The following ACSL4 variants were observed in gnomAD, a reference collection of about 807,000 sequenced individuals.
The protein encoded by ACSL4 is long-chain-fatty-acid--CoA ligase 4.
Under a neutral mutation model 49.1 loss-of-function variants are expected in ACSL4, and 9 were observed. That is an observed-to-expected ratio of 0.18 (90% confidence interval 0.11 to 0.32). The LOEUF (loss-of-function observed/expected upper bound fraction) is 0.32. Among genes scored for constraint, ACSL4 ranks in the 10% least tolerant of loss-of-function variants. The pLI is 1.00. For missense variants in ACSL4, 333 were observed against 493.7 expected (o/e 0.67, Z 3.08); for synonymous variants, 191 against 170.3 (o/e 1.12, Z -0.95).
intron 9 of ACSL4, among the ~76,000 whole-genome samples, chrX:109,673,291 T>C (rs1460868682): frequency 9.0e-6 from 1 of 111,707 alleles, no homozygotes; most frequent in African/African-American, 3.3e-5. Context: ...AGTTCAAACT[T>C]TGATTCCATC....
chrX:109,653,303 A>T (rs2061354120), intron 15 of ACSL4, among the ~76,000 whole-genome samples: 1 of 111,830 alleles, frequency 8.9e-6, no homozygotes, highest in Non-Finnish European at 1.9e-5. Context: ...GTCAGGGAAC[A>T]ACAGGTGCTG....
At chrX:109,720,364 T>C (rs1176942579) in intron 1 of ACSL4, among the ~76,000 whole-genome samples, 1 of 110,715 alleles carries the variant, frequency 9.0e-6, no homozygotes, top group African/African-American at 3.3e-5. Context: ...TTTAAATACT[T>C]AATCTCTTGA....
intron 1 of ACSL4, among the ~76,000 whole-genome samples, chrX:109,700,901 G>A (rs1333898403): frequency 9.2e-6 from 1 of 108,986 alleles, no homozygotes; most frequent in East Asian, 2.9e-4. Flanking sequence ...AAATTAGCCA[G>A]GTGTGGTGGC....
At chrX:109,679,992 A>G (rs934948000) in intron 6 of ACSL4, among the ~76,000 whole-genome samples, 1 of 112,099 alleles carries the variant, frequency 8.9e-6, no homozygotes. Context: ...GTTCCAGACT[A>G]TCTTTACAAG....
At chrX:109,712,575 G>A (rs1179787055) in intron 1 of ACSL4, among the ~76,000 whole-genome samples, 1 of 112,333 alleles carries the variant, frequency 8.9e-6, no homozygotes, top group Admixed American at 9.5e-5. Context: ...TATGGCTAGT[G>A]TCCCTGAATA....
intron 2 of ACSL4, among the ~76,000 whole-genome samples, chrX:109,687,631 T>C (rs1175369657): frequency 9.0e-6 from 1 of 111,491 alleles, no homozygotes; most frequent in Admixed American, 9.5e-5. Flanking sequence ...ACGTAGATGA[T>C]GGGTTGATGG....
At chrX:109,707,155 A>G (rs1230878485) in intron 1 of ACSL4, among the ~76,000 whole-genome samples, 2 of 112,084 alleles carry the variant, frequency 1.8e-5, no homozygotes, top group African/African-American at 6.5e-5. Context: ...CGTTTAGACA[A>G]TTCTCAAAGT....
chrX:109,728,814 T>G, intron 1 of ACSL4, among the ~76,000 whole-genome samples: 2 of 112,093 alleles, frequency 1.8e-5, no homozygotes, highest in Middle Eastern at 9.2e-3. Flanking sequence ...TCATCCAAAT[T>G]AAAGCCTTTT....
chrX:109,672,835 G>T (rs1291137723), intron 9 of ACSL4, among the ~76,000 whole-genome samples: 1 of 110,454 alleles, frequency 9.1e-6, no homozygotes, highest in Non-Finnish European at 1.9e-5. Context: ...CAACCAACGG[G>T]AAGGAGACTA....
At chrX:109,728,736 AC>A (rs1037974435) in intron 1 of ACSL4, among the ~76,000 whole-genome samples, 3 of 112,516 alleles carry the variant, frequency 2.7e-5, no homozygotes, top group Non-Finnish European at 5.6e-5. Flanking sequence ...AAATTAAATA[AC>A]AAAAGTTTGT....
chrX:109,661,757 AATT>A (rs745950054), intron 13 of ACSL4, 112 bp from the exon 14 acceptor site: 33 of 554,162 alleles, frequency 6.0e-5, no homozygotes, highest in Non-Finnish European at 9.2e-5. Flanking sequence ...CTTCTTCTAA[AATT>A]ATTATTAGGT....
chrX:109,648,987 C>A lies in ACSL4; in HGVS notation c.1856-4801G>T, dbSNP rs763644915. On this transcript the variant is annotated intron_variant, in intron 15 of 15. Transcript: ENST00000672401. ...TTACAAGGGATGTGAAGGACCTCTT[C>A]AAGGAGAACTACAAACCAGTGCTCA... Among the ~76,000 whole-genome samples, 389 of 102,536 alleles carry A rather than the reference C, an allele frequency of 3.8e-3. 2 individuals are homozygous for A. The highest frequency in any genetic ancestry group is 5.7e-3 in the Non-Finnish European group (287 of 50,389). 89.0% of individuals were successfully genotyped at this position (102,536 alleles called of 115,157 possible).
intron 8 of ACSL4, 70 bp from the exon 9 acceptor site, chrX:109,674,543 T>C: frequency 1.3e-6 from 1 of 775,536 alleles, no homozygotes; most frequent in Non-Finnish European, 2.0e-6. Flanking sequence ...CAAGTATTAA[T>C]AACAAATACA....
chrX:109,659,066 A>G (rs776688086), intron 15 of ACSL4, among the ~76,000 whole-genome samples: 23 of 111,755 alleles, frequency 2.1e-4, no homozygotes, highest in Non-Finnish European at 3.8e-4. Context: ...TACAGACACA[A>G]AGTAGATTTA....
chrX:109,720,345 C>G (rs1218253990), intron 1 of ACSL4, among the ~76,000 whole-genome samples: 1 of 110,236 alleles, frequency 9.1e-6, no homozygotes, highest in Non-Finnish European at 1.9e-5. Context: ...AGCTACTTTC[C>G]TACAAACATT....
intron 8 of ACSL4, among the ~76,000 whole-genome samples, chrX:109,677,173 A>G (rs1923779883): frequency 9.1e-6 from 1 of 109,916 alleles, no homozygotes; most frequent in African/African-American, 3.3e-5. Flanking sequence ...CATGTTAGCC[A>G]GGATGGTCTC....
intron 1 of ACSL4, among the ~76,000 whole-genome samples, chrX:109,705,646 A>G (rs1926296198): frequency 8.9e-6 from 1 of 112,689 alleles, no homozygotes; most frequent in East Asian, 2.8e-4. Context: ...AGAAGCTATT[A>G]AAACACTAGA....
intron 1 of ACSL4, among the ~76,000 whole-genome samples, chrX:109,696,481 C>T (rs979232070): frequency 2.7e-5 from 3 of 111,777 alleles, no homozygotes; most frequent in African/African-American, 9.8e-5. Context: ...TCTCTGAATC[C>T]CCCATGGTCA....
At chrX:109,674,800 T>A (rs1482808690) in intron 8 of ACSL4, among the ~76,000 whole-genome samples, 1 of 112,273 alleles carries the variant, frequency 8.9e-6, no homozygotes. Context: ...TCAAAAAAAC[T>A]TGATTAAGAC....
Sources: allele counts gnomAD v4.1 joint callset (sites outside exome capture counted in the v4.1 genomes callset), GRCh38; gene constraint gnomAD v4.1.1; transcripts MANE v1.5; gene names NCBI Gene and HGNC (gene_info 2026-07-23, HGNC 2026-07-21).